PKD1L1: variants seen among roughly 807,000 people sequenced by gnomAD.
The protein encoded by PKD1L1 is polycystin-1-like protein 1.
A neutral mutation model predicts 323.4 loss-of-function variants in PKD1L1; 236 were observed. The ratio of observed to expected loss-of-function variants is 0.73; its 90% confidence interval spans 0.66 to 0.81. The LOEUF (loss-of-function observed/expected upper bound fraction) is 0.81. Among genes scored for constraint, PKD1L1 ranks in the 40% least tolerant of loss-of-function variants. The pLI, the probability that PKD1L1 is intolerant of heterozygous loss-of-function variation, is 0.00. For synonymous variants in PKD1L1, 1,344 were observed against 1,335.0 expected, an observed-to-expected ratio of 1.01 and a Z score of -0.15; for missense variants, 3,320 against 3,508.0, an observed-to-expected ratio of 0.95 and a Z score of 1.35.
the PKD1L1 span, among the ~76,000 whole-genome samples, chr7:47,959,528 G>T: frequency 1.1e-4 from 16 of 145,338 alleles, no homozygotes; most frequent in African/African-American, 1.5e-4. Context: ...CGTCTGGGAG[G>T]TGAGGAGCGT....
chr7:47,850,308 ATG>A (rs1329627495), intron 31 of PKD1L1, among the ~76,000 whole-genome samples: 1 of 152,244 alleles, frequency 6.6e-6, no homozygotes, highest in African/African-American at 2.4e-5. Context: ...AACAATAAAA[ATG>A]TCTCACAAAT....
intron 51 of PKD1L1, among the ~76,000 whole-genome samples, chr7:47,808,777 T>G (rs183434734): frequency 1.3e-5 from 2 of 152,218 alleles, no homozygotes; most frequent in African/African-American, 4.8e-5. Flanking sequence ...GCACTTACGA[T>G]GAATGGCACT....
Position 47,866,442 on chromosome 7 carries a change from A to T in PKD1L1, c.4069T>A (p.Cys1357Ser). Residue 1357 changes from cysteine to serine, a missense_variant, in exon 25 of 57, where the codon TGC becomes AGC. Physicochemically the swap from Cys to Ser is moderately radical, Grantham distance 112. Coordinates refer to ENST00000289672, the MANE Select transcript of PKD1L1 (RefSeq NM_138295.5). Reference sequence around the variant, plus strand: ...ACCTGATCTACAAAAGCCAATCTGCATACTGAAGAAATTAATGCATCCTGT... The same window carrying T: ...ACCTGATCTACAAAAGCCAATCTGCTTACTGAAGAAATTAATGCATCCTGT... ...RIQDALISSVCRLAFVDQEEM... is the reference protein window; with the variant it reads ...RIQDALISSVSRLAFVDQEEM... 1 of 1,613,760 alleles carries T rather than the reference A, an allele frequency of 6.2e-7. No homozygotes were observed. The highest frequency in any genetic ancestry group is 8.5e-7 in the Non-Finnish European group (1 of 1,179,884).
chr7:47,805,587 G>A (rs1225007205), intron 52 of PKD1L1, among the ~76,000 whole-genome samples: 1 of 152,206 alleles, frequency 6.6e-6, no homozygotes, highest in Non-Finnish European at 1.5e-5. Context: ...TGAAAAGCTG[G>A]CCCTGAACAC....
In PKD1L1 at chr7:47,904,512, G is replaced by A; in HGVS notation, c.1797C>T (p.Pro599=). ...CACTGGCATTTACCAGAGCTGAGGA[G>A]GGGGACGTGAGCCGATTGGCCACAA... The part of the protein sequence containing the change: ...KKIVANRLTS[P]SSALVNASVA... Residue 599 remains proline (P), a synonymous_variant, in exon 12 of 57, where the codon CCC becomes CCT. Transcript: ENST00000289672. 4 of 1,614,184 alleles carry A rather than the reference G, an allele frequency of 2.5e-6. No homozygotes were observed. The highest frequency in any genetic ancestry group is 4.5e-5 in the East Asian group (2 of 44,876).
rs1243597166 is a variant in PKD1L1 at position 47,831,281 on chromosome 7, C to G, written c.6409G>C (p.Val2137Leu). 1 of 1,614,216 alleles carries G rather than the reference C, an allele frequency of 6.2e-7. No individual in the cohort carries two copies. Among genetic ancestry groups the G allele is most frequent in the East Asian group, 2.2e-5 (1 of 44,890 alleles). The change falls in exon 42 of 57, where the codon GTG (valine) becomes CTG (leucine). Residue 2137 changes from valine (V) to leucine (L), a missense_variant. Coordinates refer to ENST00000289672, the MANE Select transcript of PKD1L1 (RefSeq NM_138295.5). ...RALQPWWSSA[V>L]WAICGTASLA... ...GAAGCGGTCCCACAAATGGCCCACA[C>G]TGCAGAGCTCCACCAAGGCTGAAGG...
chr7:47,946,018 A>T lies in PKD1L1; in HGVS notation c.44+2379T>A, dbSNP rs1470652411. Among the ~76,000 whole-genome samples, 1 of 151,064 alleles carries T rather than the reference A, an allele frequency of 6.6e-6. No homozygotes were observed. Among genetic ancestry groups the T allele is most frequent in the Admixed American group, 6.6e-5 (1 of 15,202 alleles). ...TGAGATTTCAGAGGTCTTTTCAAAT[A>T]AAAAAAATGGAAGGGGGAGATAATT... On this transcript the variant is annotated intron_variant, in intron 1 of 56. Transcript: ENST00000289672. The surrounding 1 kb of genome is among the most constrained non-coding windows in gnomAD (Gnocchi z 4.1).
chr7:47,943,705 GT>G (rs1278028184), intron 1 of PKD1L1, among the ~76,000 whole-genome samples, 194 bp from the exon 2 acceptor site: 1 of 152,310 alleles, frequency 6.6e-6, no homozygotes, highest in East Asian at 1.9e-4. Context: ...CTCAGGGTCT[GT>G]TTTAGAAGAT....
intron 16 of PKD1L1, 107 bp downstream of exon 16, chr7:47,890,435 A>G: frequency 2.6e-6 from 3 of 1,163,664 alleles, no homozygotes; most frequent in Non-Finnish European, 3.7e-6. Flanking sequence ...CTGCATGGCC[A>G]AACTCCAAAC....
chr7:47,938,855 T>A (rs1787928105), intron 3 of PKD1L1, among the ~76,000 whole-genome samples: 2 of 152,232 alleles, frequency 1.3e-5, no homozygotes, highest in South Asian at 4.1e-4. Flanking sequence ...GCATGTCTGT[T>A]AGAATCTTCA....
chr7:47,800,502 G>C, intron 54 of PKD1L1, 147 bp downstream of exon 54: 1 of 809,044 alleles, frequency 1.2e-6, no homozygotes. Context: ...TGACCTCCCA[G>C]GGCAGGTGAG....
chr7:47,837,199 T>C, intron 36 of PKD1L1, 105 bp from the exon 37 acceptor site: 1 of 1,309,908 alleles, frequency 7.6e-7, no homozygotes, highest in South Asian at 1.4e-5. Context: ...ACGAGCTTTC[T>C]GGTTCTTCCA....
intron 31 of PKD1L1, among the ~76,000 whole-genome samples, chr7:47,849,883 G>C (rs1192210255): frequency 6.6e-6 from 1 of 152,214 alleles, no homozygotes; most frequent in Non-Finnish European, 1.5e-5. Flanking sequence ...CCTGGATGGA[G>C]TTGGAGACCA....
chr7:47,789,749 T>C (rs942003943), intron 56 of PKD1L1, among the ~76,000 whole-genome samples: 2 of 152,240 alleles, frequency 1.3e-5, no homozygotes, highest in African/African-American at 4.8e-5. Flanking sequence ...AAAATAACAA[T>C]ATATACCTTA....
intron 56 of PKD1L1, among the ~76,000 whole-genome samples, chr7:47,790,552 T>C (rs564196053): frequency 1.7e-3 from 251 of 149,228 alleles, no homozygotes; most frequent in Middle Eastern, 3.6e-3. Flanking sequence ...AGGATGGTCT[T>C]GATCTCCTGA....
chr7:47,947,827 C>T (rs753692864), intron 1 of PKD1L1, among the ~76,000 whole-genome samples: 1 of 151,788 alleles, frequency 6.6e-6, no homozygotes, highest in Non-Finnish European at 1.5e-5. Flanking sequence ...ATTAGTCGGG[C>T]GTGGTGGTGG....
rs999604154 is a variant in PKD1L1, at chr7:47,813,440, C to T, written c.7174-147G>A. On this transcript the variant is annotated intron_variant, in intron 48 of 56. Coordinates refer to ENST00000289672, the MANE Select transcript of PKD1L1 (RefSeq NM_138295.5). ...TCTCCTCATAGGATCGTTCTGCAGC[C>T]TGTTTCGTGGTCTACAGACTCTAGC... 5 of 895,042 alleles carry T rather than the reference C, an allele frequency of 5.6e-6. No individual in the cohort carries two copies. In the African/African-American group the frequency reaches 8.2e-5, roughly 15 times the overall value. 55.4% of individuals were successfully genotyped at this position (895,042 alleles called of 1,614,324 possible).
intron 8 of PKD1L1, among the ~76,000 whole-genome samples, chr7:47,911,130 G>T (rs1787313772): frequency 6.6e-6 from 1 of 152,126 alleles, no homozygotes; most frequent in African/African-American, 2.4e-5. Flanking sequence ...GATGGGAGTG[G>T]ATTCCTCATG....
chr7:47,952,153 GACAA>G (rs1407562383), upstream of PKD1L1, among the ~76,000 whole-genome samples: 3 of 152,188 alleles, frequency 2.0e-5, no homozygotes, highest in African/African-American at 7.2e-5. Flanking sequence ...CACTCACGGA[GACAA>G]ACACAGTGCT....
Sources: gnomAD v4.1 joint callset for allele counts (sites outside exome capture counted in the v4.1 genomes callset) on GRCh38, gnomAD v4.1.1 for gene constraint, Gnocchi (gnomAD v3.1) non-coding constraint, MANE v1.5 for transcripts, NCBI Gene and HGNC (gene_info 2026-07-23, HGNC 2026-07-21) for gene names.